Variants in KCNQ1 observed in about 807,000 individuals in gnomAD.
KCNQ1 encodes the protein potassium voltage-gated channel subfamily Q member 1, also known as potassium voltage-gated channel subfamily KQT member 1.
A neutral mutation model predicts 72.4 loss-of-function variants in KCNQ1; 49 were observed. The observed-to-expected ratio is 0.68, with a 90% CI of 0.54 to 0.86. The LOEUF is 0.86. Among genes scored for constraint, KCNQ1 ranks in the 40% least tolerant of loss-of-function variants. The pLI is 0.00. For synonymous variants in KCNQ1, 450 were observed against 412.6 expected (o/e 1.09, Z -1.10); for missense variants, 790 against 945.1 (o/e 0.84, Z 2.15).
chr11:2,505,906 T>C (rs539926852), intron 1 of KCNQ1, among the ~76,000 whole-genome samples: 2 of 152,334 alleles, frequency 1.3e-5, no homozygotes, highest in South Asian at 4.1e-4. Context: ...AGACAGCATG[T>C]AGCTGGATCA....
At position 2,832,989 on chromosome 11, in the gene KCNQ1, T is replaced by G. The variant is rs184777297; in HGVS notation, c.1795-14778T>G. ...GACCTGGACACTAGCCTCCTCCCAGTGGGAGACAGATGTGGGCAATGCAGC... is the reference window on the plus strand; with the variant it reads ...GACCTGGACACTAGCCTCCTCCCAGGGGGAGACAGATGTGGGCAATGCAGC... On this transcript the variant is annotated intron_variant, in intron 15 of 15. Coordinates refer to ENST00000155840, the MANE Select transcript of KCNQ1 (RefSeq NM_000218.3). Among the ~76,000 whole-genome samples the G allele has an allele frequency of 2.1e-3, 313 of 152,216 alleles. 1 individual carries two copies. Among genetic ancestry groups the G allele is most frequent in the African/African-American group, 7.3e-3 (303 of 41,536 alleles).
rs1327863709 is a variant in KCNQ1, at chr11:2,664,375, G to A, written c.1514+2294G>A. 16 of 398,730 alleles carry A rather than the reference G, an allele frequency of 4.0e-5. No homozygotes were observed. The highest frequency in any genetic ancestry group is 6.2e-5 in the Non-Finnish European group (14 of 226,248). 24.7% of individuals were successfully genotyped at this position (398,730 alleles called of 1,614,324 possible). ...CCTGCATCCTCAGAAGTCAGGGTACGGTCCCTCCAGAGAGGCCTGAAGGGG... is the reference window on the plus strand; with the variant it reads ...CCTGCATCCTCAGAAGTCAGGGTACAGTCCCTCCAGAGAGGCCTGAAGGGG... On this transcript the variant is annotated intron_variant, in intron 11 of 15. Transcript: ENST00000155840. The surrounding 1 kb of genome is among the most constrained non-coding windows in gnomAD (Gnocchi z 5.1).
chr11:2,726,252 C>T lies in KCNQ1; in HGVS notation c.1515-42592C>T, dbSNP rs936110132. ...AGCTCGCTCACGAGATGTGTGCTGA[C>T]GTGGCAAGATGGGCGGGAGTCTTCA... On this transcript the variant is annotated intron_variant, in intron 11 of 15. Transcript: ENST00000155840. Among the ~76,000 whole-genome samples the T allele has an allele frequency of 4.6e-5, 7 of 152,206 alleles. 1 individual carries two copies. Among genetic ancestry groups the T allele is most frequent in the South Asian group, 4.1e-4 (2 of 4,830 alleles).
chr11:2,769,184 C>T lies in KCNQ1; in HGVS notation c.1590+265C>T, dbSNP rs1846548540. Among the ~76,000 whole-genome samples the T allele has an allele frequency of 6.6e-6, 1 of 152,134 alleles. No homozygotes were observed. Among genetic ancestry groups the T allele is most frequent in the Non-Finnish European group, 1.5e-5 (1 of 68,034 alleles). The stretch of plus-strand genomic sequence containing the variant: ...GTCTTCTTCACCAAGTAGAAGGCAG[C>T]AGCCGTGTAGCTCACTCAGTCCTCC... On this transcript the variant is annotated intron_variant, in intron 12 of 15. Transcript: ENST00000155840. This position sits in a 1 kb window ranked among gnomAD's most constrained non-coding sequence, Gnocchi z 4.6.
intron 11 of KCNQ1, among the ~76,000 whole-genome samples, chr11:2,761,532 G>A (rs1846395939): frequency 6.6e-6 from 1 of 152,204 alleles, no homozygotes; most frequent in Admixed American, 6.5e-5. Context: ...ATAGGCCGTA[G>A]GGTGGAACCC....
chr11:2,631,444 C>A (rs1268567285), intron 10 of KCNQ1: 11 of 397,834 alleles, frequency 2.8e-5, no homozygotes, highest in Non-Finnish European at 4.4e-5. Context: ...TTTAGGATTT[C>A]TATTTCTTTA....
chr11:2,698,705 C>T lies in KCNQ1; in HGVS notation c.1514+36624C>T. The stretch of plus-strand genomic sequence containing the variant: ...CCTCTACCCAAAGACAGACTCCAGA[C>T]CCTGACTCCAGTCGCCAACTCGGAC... On this transcript the variant is annotated intron_variant, in intron 11 of 15. Transcript: ENST00000155840. This position sits in a 1 kb window ranked among gnomAD's most constrained non-coding sequence, Gnocchi z 5.1. 2 of 398,998 alleles carry T rather than the reference C, an allele frequency of 5.0e-6. No individual in the cohort carries two copies. The highest frequency in any genetic ancestry group is 8.8e-6 in the Non-Finnish European group (2 of 226,222). 24.7% of individuals were successfully genotyped at this position (398,998 alleles called of 1,614,324 possible).
chr11:2,655,467 C>T (rs539190318), intron 10 of KCNQ1: 146 of 398,672 alleles, frequency 3.7e-4, no homozygotes, highest in African/African-American at 2.6e-3. Flanking sequence ...GGCATTGCTC[C>T]GGTACCTCCT....
chr11:2,634,208 T>C (rs1159032229), intron 10 of KCNQ1: 1 of 396,108 alleles, frequency 2.5e-6, no homozygotes, highest in Non-Finnish European at 4.4e-6. Flanking sequence ...CTAGGGTACA[T>C]GTGCACAACG....
chr11:2,632,480 A>T (rs1449277176), intron 10 of KCNQ1: 1 of 398,398 alleles, frequency 2.5e-6, no homozygotes, highest in Non-Finnish European at 4.4e-6. Context: ...CACCATTATG[A>T]TGCTCCTTGT....
chr11:2,530,481 C>T (rs1013179371), intron 2 of KCNQ1, among the ~76,000 whole-genome samples: 2 of 152,240 alleles, frequency 1.3e-5, no homozygotes, highest in Non-Finnish European at 1.5e-5. Context: ...GCCAAACATT[C>T]CCCTGGAGAG....
In KCNQ1 at chr11:2,713,514, G is replaced by C. The variant is rs1851040707; in HGVS notation, c.1514+51433G>C. ...CCCCATTATTTCTTCACTTTCTCCA[G>C]CTGAATTTTTCCCACTGTGGGAAGG... On this transcript the variant is annotated intron_variant, in intron 11 of 15. Coordinates refer to ENST00000155840, the MANE Select transcript of KCNQ1 (RefSeq NM_000218.3). This position sits in a 1 kb window ranked among gnomAD's most constrained non-coding sequence, Gnocchi z 5.6. Among the ~76,000 whole-genome samples, 1 of 152,176 alleles carries C rather than the reference G, an allele frequency of 6.6e-6. No individual in the cohort carries two copies. The highest frequency in any genetic ancestry group is 2.4e-5 in the African/African-American group (1 of 41,430).
rs1299486724 is a variant in KCNQ1, at chr11:2,654,226, C to T, written c.1394-7735C>T. The T allele has an allele frequency of 3.8e-5, 15 of 398,574 alleles. No homozygotes were observed. The highest frequency in any genetic ancestry group is 6.2e-5 in the Non-Finnish European group (14 of 226,214). The allele number at this position is 398,574 out of a possible 1,614,324, so 24.7% of individuals were successfully genotyped here. A position where few individuals can be genotyped will look rare whatever the true frequency, so the allele number is the denominator to read the frequency against. ...CACGCAGGGCCTGGCTGCAGCTGTC[C>T]GGATGCCCCTGGGGAGGGCTTCTCC... On this transcript the variant is annotated intron_variant, in intron 10 of 15. Transcript: ENST00000155840. The surrounding 1 kb of genome is among the most constrained non-coding windows in gnomAD (Gnocchi z 6.4).
In KCNQ1 at chr11:2,603,803, G is replaced by A. The variant is rs1455205826; in HGVS notation, c.1393+14949G>A. ...CCTCCCGGGTTCAAGCAATTCACCC[G>A]CCTCAGCCTCCCAAGTAGGTGGGAT... On this transcript the variant is annotated intron_variant, in intron 10 of 15. Coordinates refer to ENST00000155840, the MANE Select transcript of KCNQ1 (RefSeq NM_000218.3). The surrounding 1 kb of genome is among the most constrained non-coding windows in gnomAD (Gnocchi z 4.1). Among the ~76,000 whole-genome samples the A allele has an allele frequency of 1.3e-5, 2 of 151,902 alleles. No individual in the cohort carries two copies. The highest frequency in any genetic ancestry group is 6.6e-5 in the Admixed American group (1 of 15,258).
At chr11:2,505,477 G>C (rs1847088479) in intron 1 of KCNQ1, among the ~76,000 whole-genome samples, 1 of 152,086 alleles carries the variant, frequency 6.6e-6, no homozygotes, top group South Asian at 2.1e-4. Flanking sequence ...CTGCATGTTG[G>C]TTAGATCTAG....
At chr11:2,618,342 A>G (rs1849103618) in intron 10 of KCNQ1, 1 of 398,594 alleles carries the variant, frequency 2.5e-6, no homozygotes, top group East Asian at 3.6e-5. Flanking sequence ...GTTTTAACAA[A>G]GTTTACAAAT....
intron 15 of KCNQ1, among the ~76,000 whole-genome samples, chr11:2,801,484 C>A (rs1847262750): frequency 6.6e-6 from 1 of 152,178 alleles, no homozygotes; most frequent in Non-Finnish European, 1.5e-5. Context: ...TGGTGAGGGC[C>A]CTCTTCCTGG....
At chr11:2,684,278 T>G (rs530498851) in intron 11 of KCNQ1, 30 of 398,572 alleles carry the variant, frequency 7.5e-5, no homozygotes, top group African/African-American at 6.2e-4. Flanking sequence ...GGGAGTTGGT[T>G]AGGCTGGAGC....
intron 8 of KCNQ1, 131 bp downstream of exon 8, chr11:2,585,438 G>A: frequency 1.2e-6 from 1 of 821,138 alleles, no homozygotes; most frequent in Non-Finnish European, 2.0e-6. Context: ...GGCATACTCT[G>A]CTTGTGGAAG....
Sources: allele counts gnomAD v4.1 joint callset (sites outside exome capture counted in the v4.1 genomes callset), GRCh38; gene constraint gnomAD v4.1.1; non-coding constraint Gnocchi (gnomAD v3.1); transcripts MANE v1.5; gene names NCBI Gene and HGNC (gene_info 2026-07-23, HGNC 2026-07-21).